WDPCP: variants seen among roughly 807,000 people sequenced by gnomAD.
WDPCP encodes WD repeat containing planar cell polarity effector, also known as WD repeat-containing and planar cell polarity effector protein fritz homolog.
Under a neutral mutation model 93.1 loss-of-function variants are expected in WDPCP, and 71 were observed. The observed-to-expected ratio is 0.76, with a 90% CI of 0.63 to 0.93. The LOEUF is 0.93. Among genes scored for constraint, WDPCP ranks in the 40% least tolerant of loss-of-function variants. The pLI is 0.00. For missense variants in WDPCP, 844 were observed against 887.4 expected (o/e 0.95, Z 0.62); for synonymous variants, 315 against 315.0 (o/e 1.00, Z 0.00).
intron 3 of WDPCP, chr2:63,643,220 TTTAA>T (rs1350697172): frequency 1.3e-5 from 3 of 231,116 alleles, no homozygotes; most frequent in African/African-American, 7.0e-5. Flanking sequence ...CTATATTATC[TTTAA>T]TTAAGTACAA....
At chr2:63,242,161 C>A (rs1451868454) in intron 14 of WDPCP, among the ~76,000 whole-genome samples, 1 of 152,044 alleles carries the variant, frequency 6.6e-6, no homozygotes, top group Non-Finnish European at 1.5e-5. Flanking sequence ...TAATGTTACC[C>A]ATTTAAGCAT....
intron 17 of WDPCP, among the ~76,000 whole-genome samples, chr2:63,138,089 G>A (rs1167428210): frequency 2.1e-5 from 1 of 46,908 alleles, no homozygotes; most frequent in African/African-American, 8.2e-5. Flanking sequence ...TTTTTTTTTT[G>A]GTGCACATAG....
chr2:63,716,240 T>C (rs1254344461), intron 2 of WDPCP, among the ~76,000 whole-genome samples: 1 of 152,186 alleles, frequency 6.6e-6, no homozygotes, highest in Admixed American at 6.5e-5. Context: ...AGTAACTTAA[T>C]AGACCTCTAG....
intron 1 of WDPCP, among the ~76,000 whole-genome samples, chr2:63,544,662 G>A (rs1167128250): frequency 6.6e-6 from 1 of 152,108 alleles, no homozygotes; most frequent in African/African-American, 2.4e-5. Flanking sequence ...GGACAACAGA[G>A]TAGTAGGCAG....
upstream of WDPCP, among the ~76,000 whole-genome samples, chr2:63,591,550 C>A (rs1709201764): frequency 6.6e-6 from 1 of 152,170 alleles, no homozygotes; most frequent in African/African-American, 2.4e-5. Context: ...TATAGGTGAC[C>A]TTATGGGAAG....
At chr2:63,765,352 G>C (rs1670121563) in intron 2 of WDPCP, among the ~76,000 whole-genome samples, 1 of 152,160 alleles carries the variant, frequency 6.6e-6, no homozygotes, top group East Asian at 1.9e-4. Flanking sequence ...GGAGTTTGAG[G>C]CCAGCGGGCT....
At chr2:63,780,086 C>A (rs936720772) in intron 2 of WDPCP, among the ~76,000 whole-genome samples, 2 of 152,164 alleles carry the variant, frequency 1.3e-5, no homozygotes, top group African/African-American at 4.8e-5. Context: ...AACCCCCTCA[C>A]GGCTGTTTTG....
intron 13 of WDPCP, among the ~76,000 whole-genome samples, chr2:63,288,275 G>T (rs1684155080): frequency 6.6e-6 from 1 of 152,216 alleles, no homozygotes; most frequent in Non-Finnish European, 1.5e-5. Flanking sequence ...TGAAGCCAGA[G>T]ATGCAATCTT....
At chr2:63,172,908 C>T (rs555865488) in intron 15 of WDPCP, among the ~76,000 whole-genome samples, 1 of 151,966 alleles carries the variant, frequency 6.6e-6, no homozygotes, top group Non-Finnish European at 1.5e-5. Flanking sequence ...AAGAAAGAAG[C>T]ATAAGGAGGA....
intron 2 of WDPCP, among the ~76,000 whole-genome samples, chr2:63,796,300 T>C (rs1670617491): frequency 6.6e-6 from 1 of 152,048 alleles, no homozygotes; most frequent in Non-Finnish European, 1.5e-5. Flanking sequence ...CAGGAGGAGG[T>C]AGAGCAAGAT....
intron 14 of WDPCP, among the ~76,000 whole-genome samples, chr2:63,186,098 CT>C (rs1674620239): frequency 6.6e-6 from 1 of 152,196 alleles, no homozygotes; most frequent in African/African-American, 2.4e-5. Context: ...GTGTGGGAAT[CT>C]GCCTCCCTCT....
At chr2:63,455,303 T>C (rs1698540828) in intron 6 of WDPCP, among the ~76,000 whole-genome samples, 1 of 152,098 alleles carries the variant, frequency 6.6e-6, no homozygotes, top group African/African-American at 2.4e-5. Context: ...TAAATCTGAA[T>C]GTAAACAGAT....
intron 13 of WDPCP, among the ~76,000 whole-genome samples, chr2:63,312,181 A>C (rs1237721931): frequency 6.6e-6 from 1 of 152,198 alleles, no homozygotes; most frequent in Non-Finnish European, 1.5e-5. Context: ...TAGATTTTTT[A>C]TGATCAATAA....
intron 1 of WDPCP, among the ~76,000 whole-genome samples, chr2:63,547,696 G>A (rs1705254578): frequency 6.7e-6 from 1 of 148,152 alleles, no homozygotes; most frequent in African/African-American, 2.5e-5. Context: ...AAGCCAAGCA[G>A]AGAAAGACAA....
At chr2:63,612,392 C>T (rs1031171664) in intron 3 of WDPCP, among the ~76,000 whole-genome samples, 3 of 152,140 alleles carry the variant, frequency 2.0e-5, no homozygotes, top group African/African-American at 7.2e-5. Flanking sequence ...GCCACTTTAG[C>T]ATAAGAAGTA....
intron 15 of WDPCP, among the ~76,000 whole-genome samples, chr2:63,157,029 T>A (rs936284085): frequency 5.3e-5 from 8 of 151,252 alleles, no homozygotes; most frequent in Non-Finnish European, 7.4e-5. Context: ...AGCCCCCTTC[T>A]ACTCCTAGTT....
chr2:63,267,466 A>C (rs560938990), intron 13 of WDPCP, among the ~76,000 whole-genome samples: 1 of 152,360 alleles, frequency 6.6e-6, no homozygotes, highest in South Asian at 2.1e-4. Flanking sequence ...ACAAGCAGCA[A>C]AAGCAAAAAT....
rs557264295 is a variant in WDPCP, at chr2:63,739,436, A to G, written n.308+74186T>C. ...TTTATCCAATCCTAATTCTTTATCC[A>G]ATTAGGTTGATTCCATGTCTTTGCT... On this transcript the variant is annotated intron_variant and non_coding_transcript_variant, in intron 2 of 4. Coordinates refer to the WDPCP transcript ENST00000467687. 2.6e-5 allele frequency among the ~76,000 whole-genome samples: 4 copies of G among 152,196 alleles called. No homozygotes were observed. The East Asian group carries it at 7.8e-4, about 29-fold the overall frequency.
chr2:63,283,671 C>CA (rs772513936), intron 13 of WDPCP, among the ~76,000 whole-genome samples: 35 of 152,200 alleles, frequency 2.3e-4, no homozygotes, highest in Non-Finnish European at 4.0e-4. Context: ...ATAACACGCT[C>CA]AGGACAAGCA....
Sources: allele counts gnomAD v4.1 joint callset (sites outside exome capture counted in the v4.1 genomes callset), GRCh38; gene constraint gnomAD v4.1.1; transcripts MANE v1.5; gene names NCBI Gene and HGNC (gene_info 2026-07-23, HGNC 2026-07-21).